The following WWOX variants were observed in gnomAD, a reference collection of about 807,000 sequenced individuals.
WWOX encodes the protein WW domain containing oxidoreductase.
Under a neutral mutation model 46.2 loss-of-function variants are expected in WWOX, and 69 were observed. The observed-to-expected ratio is 1.49, with a 90% CI of 1.23 to 1.82. The LOEUF is 1.82. Among genes scored for constraint, WWOX ranks in the 40% most tolerant of loss-of-function variants. WWOX has a pLI of 0.00. For synonymous variants in WWOX, 359 were observed against 202.6 expected, an observed-to-expected ratio of 1.77 and a Z score of -6.56; for missense variants, 919 against 542.6, an observed-to-expected ratio of 1.69 and a Z score of -6.89.
intron 7 of WWOX, among the ~76,000 whole-genome samples, chr16:78,426,007 C>G (rs754196821): frequency 1.1e-4 from 17 of 152,196 alleles, no homozygotes; most frequent in African/African-American, 3.9e-4. Flanking sequence ...TAGCTTGAAC[C>G]CTTTATCACT....
chr16:78,903,896 A>C (rs1016570298), intron 8 of WWOX, among the ~76,000 whole-genome samples: 10 of 152,172 alleles, frequency 6.6e-5, no homozygotes, highest in African/African-American at 2.2e-4. Flanking sequence ...CCTCCTTTAC[A>C]GAGGTGGGTC....
At chr16:78,401,951 G>A (rs1276924028) in intron 6 of WWOX, among the ~76,000 whole-genome samples, 4 of 152,110 alleles carry the variant, frequency 2.6e-5, no homozygotes, top group African/African-American at 9.7e-5. Flanking sequence ...GCCTGCCTCT[G>A]TAATCCCAAA....
At position 79,132,190 on chromosome 16, in the gene WWOX, T is replaced by A. The variant is rs368992890; in HGVS notation, c.1057-79418T>A. Among the ~76,000 whole-genome samples, 49 of 151,788 alleles carry A rather than the reference T, an allele frequency of 3.2e-4. No individual in the cohort carries two copies. In the South Asian group the frequency reaches 9.8e-3, roughly 30 times the overall value. On this transcript the variant is annotated intron_variant, in intron 8 of 8. Transcript: ENST00000566780. Reference sequence around the variant, plus strand: ...CACCCCTTCCTACGTCCTACATCCCTGTACTTGGAAAGCAATCATATTTAA... The same window carrying A: ...CACCCCTTCCTACGTCCTACATCCCAGTACTTGGAAAGCAATCATATTTAA...
intron 8 of WWOX, chr16:78,890,846 C>G (rs868179738): frequency 6.6e-6 from 1 of 152,112 alleles, no homozygotes; most frequent in Admixed American, 6.6e-5. Flanking sequence ...TAGTAAAATG[C>G]GTTCATAGCT....
At chr16:78,491,491 G>A (rs1170938336) in intron 8 of WWOX, among the ~76,000 whole-genome samples, 1 of 152,050 alleles carries the variant, frequency 6.6e-6, no homozygotes, top group African/African-American at 2.4e-5. Context: ...TTGAGACAGG[G>A]TTTTGCTGTC....
chr16:78,320,715 G>A (rs555458668), intron 5 of WWOX, among the ~76,000 whole-genome samples: 1 of 152,146 alleles, frequency 6.6e-6, no homozygotes, highest in African/African-American at 2.4e-5. Context: ...CTAACCATCT[G>A]TTTCTCTTGG....
chr16:78,873,428 G>A (rs1394052612), intron 8 of WWOX: 3 of 151,946 alleles, frequency 2.0e-5, no homozygotes, highest in Non-Finnish European at 4.4e-5. Context: ...TCTAGCAGAT[G>A]TGGTAAGAAT....
chr16:79,198,673 C>T (rs1469932821), intron 8 of WWOX, among the ~76,000 whole-genome samples: 10 of 152,192 alleles, frequency 6.6e-5, no homozygotes, highest in African/African-American at 2.4e-4. Flanking sequence ...CCAAATTTCC[C>T]CACCCCTACG....
chr16:78,536,105 C>A (rs1260979229), intron 8 of WWOX, among the ~76,000 whole-genome samples: 1 of 152,124 alleles, frequency 6.6e-6, no homozygotes, highest in Non-Finnish European at 1.5e-5. Flanking sequence ...ATACAGTAAG[C>A]ATTCATTAAG....
At chr16:78,256,236 T>C (rs1026132935) in intron 5 of WWOX, among the ~76,000 whole-genome samples, 12 of 151,896 alleles carry the variant, frequency 7.9e-5, no homozygotes, top group East Asian at 1.9e-4. Flanking sequence ...CTTCCAGTCT[T>C]GTGTGGCCTG....
intron 8 of WWOX, among the ~76,000 whole-genome samples, chr16:78,468,885 A>G (rs1321569108): frequency 6.6e-6 from 1 of 152,204 alleles, no homozygotes; most frequent in Non-Finnish European, 1.5e-5. Flanking sequence ...CTAACATTTT[A>G]AAAGGTTTCC....
intron 8 of WWOX, among the ~76,000 whole-genome samples, chr16:78,809,515 G>T (rs1210580559): frequency 6.6e-6 from 1 of 152,050 alleles, no homozygotes; most frequent in Non-Finnish European, 1.5e-5. Context: ...CCAGCCTCTG[G>T]CAGTATTCCT....
chr16:78,363,906 G>A (rs554780677), intron 5 of WWOX, among the ~76,000 whole-genome samples: 15 of 152,330 alleles, frequency 9.8e-5, no homozygotes, highest in East Asian at 5.8e-4. Flanking sequence ...ACCCCAGGCC[G>A]TCTCTCCGCC....
intron 5 of WWOX, among the ~76,000 whole-genome samples, chr16:78,322,024 A>G (rs1251097570): frequency 6.6e-6 from 1 of 152,204 alleles, no homozygotes; most frequent in Non-Finnish European, 1.5e-5. Context: ...ACAGCAGCTA[A>G]AGTGGACAGA....
chr16:78,990,050 G>A (rs1222964844), intron 8 of WWOX, among the ~76,000 whole-genome samples: 1 of 151,946 alleles, frequency 6.6e-6, no homozygotes, highest in African/African-American at 2.4e-5. Flanking sequence ...TGGGCTTGGT[G>A]ACAGACGCTT....
At chr16:78,207,464 A>T (rs912544584) in intron 5 of WWOX, among the ~76,000 whole-genome samples, 6 of 150,266 alleles carry the variant, frequency 4.0e-5, no homozygotes, top group African/African-American at 1.5e-4. Flanking sequence ...GTCTTTTTAC[A>T]TCTTTGTCAG....
intron 8 of WWOX, among the ~76,000 whole-genome samples, chr16:78,594,727 T>C (rs1464000765): frequency 6.6e-6 from 1 of 152,066 alleles, no homozygotes; most frequent in African/African-American, 2.4e-5. Flanking sequence ...TTATAACTCA[T>C]AGGCTACCTC....
At chr16:78,642,432 G>C (rs1156754352) in intron 8 of WWOX, among the ~76,000 whole-genome samples, 3 of 152,096 alleles carry the variant, frequency 2.0e-5, no homozygotes, top group African/African-American at 7.2e-5. Context: ...TGGGCTCCCT[G>C]CTTTTATTTC....
chr16:79,013,421 C>T (rs1002215676), intron 8 of WWOX, among the ~76,000 whole-genome samples: 17 of 152,248 alleles, frequency 1.1e-4, no homozygotes, highest in Non-Finnish European at 1.5e-4. Flanking sequence ...TTTTATCTTC[C>T]CTGGAGTTAT....
Sources: allele counts gnomAD v4.1 joint callset (sites outside exome capture counted in the v4.1 genomes callset), GRCh38; gene constraint gnomAD v4.1.1; transcripts MANE v1.5; gene names NCBI Gene and HGNC (gene_info 2026-07-23, HGNC 2026-07-21).